The following HMBOX1 variants were observed in gnomAD, a reference collection of about 807,000 sequenced individuals.
HMBOX1 encodes homeobox-containing protein 1.
Under a neutral mutation model 54.5 loss-of-function variants are expected in HMBOX1, and 14 were observed. That is an observed-to-expected ratio of 0.26 (90% CI 0.17 to 0.40). The LOEUF is 0.40. HMBOX1 is among the 10% of genes least tolerant of loss of function. The pLI is 1.00. For missense variants in HMBOX1, 332 were observed against 514.4 expected (o/e 0.65, Z 3.43); for synonymous variants, 160 against 181.0 (o/e 0.88, Z 0.93).
At chr8:28,974,029 G>T (rs903402596) in intron 3 of HMBOX1, among the ~76,000 whole-genome samples, 20 of 151,926 alleles carry the variant, frequency 1.3e-4, no homozygotes, top group African/African-American at 4.8e-4. Flanking sequence ...GACCAGGCTG[G>T]TCTCAAACTC....
chr8:28,938,962 A>T (rs1820866961), intron 1 of HMBOX1, among the ~76,000 whole-genome samples: 1 of 152,074 alleles, frequency 6.6e-6, no homozygotes, highest in African/African-American at 2.4e-5. Context: ...TTTCAGACCA[A>T]CCTGGGCAAG....
At position 29,021,699 on chromosome 8, in the gene HMBOX1, G is replaced by GA. The variant is rs80206972; in HGVS notation, c.851+2797dup. 2.1e-3 allele frequency among the ~76,000 whole-genome samples: 305 copies of GA among 145,548 alleles called. 1 individual carries two copies. Among genetic ancestry groups the GA allele is most frequent in the African/African-American group, 7.0e-3 (281 of 39,914 alleles). ...TGAAACCCTGTCTCTACGAAAAATA[G>GA]AAAAAAAAAAATTAGCCGGGCGTGG... On this transcript the variant is annotated intron_variant, in intron 6 of 9. Coordinates refer to ENST00000287701, the MANE Select transcript of HMBOX1 (RefSeq NM_001135726.3).
At chr8:28,960,780 T>TG (rs1825412212) in intron 1 of HMBOX1, among the ~76,000 whole-genome samples, 1 of 43,384 alleles carries the variant, frequency 2.3e-5, no homozygotes, top group Non-Finnish European at 5.0e-5. Flanking sequence ...TTTTTTTTTT[T>TG]TTTTTTTTTT....
chr8:28,911,896 T>G (rs1346589470), intron 1 of HMBOX1, among the ~76,000 whole-genome samples: 2 of 152,172 alleles, frequency 1.3e-5, no homozygotes, highest in Non-Finnish European at 2.9e-5. Context: ...TACCATGGCT[T>G]GACTTAATGA....
chr8:28,903,462 C>T, intron 1 of HMBOX1, among the ~76,000 whole-genome samples: 1 of 152,334 alleles, frequency 6.6e-6, no homozygotes, highest in Middle Eastern at 3.4e-3. Flanking sequence ...ACTATTCCAA[C>T]CATCTGAGAA....
At chr8:29,044,319 G>C (rs140026713) in intron 6 of HMBOX1, among the ~76,000 whole-genome samples, 1 of 152,294 alleles carries the variant, frequency 6.6e-6, no homozygotes, top group African/African-American at 2.4e-5. Context: ...CCCATTTCCT[G>C]ATTGGAAGTT....
chr8:28,964,483 A>G (rs576620441), intron 2 of HMBOX1, among the ~76,000 whole-genome samples: 1 of 152,352 alleles, frequency 6.6e-6, no homozygotes, highest in East Asian at 1.9e-4. Flanking sequence ...CATATTAAAT[A>G]GGCCTTTGAA....
chr8:29,041,772 G>A (rs573556127), intron 6 of HMBOX1, among the ~76,000 whole-genome samples: 3 of 152,170 alleles, frequency 2.0e-5, no homozygotes, highest in African/African-American at 7.2e-5. Context: ...TTCCTGGGTG[G>A]TAGCATGCAT....
At chr8:28,937,753 GATC>G (rs1820654971) in intron 1 of HMBOX1, among the ~76,000 whole-genome samples, 1 of 152,170 alleles carries the variant, frequency 6.6e-6, no homozygotes, top group Non-Finnish European at 1.5e-5. Flanking sequence ...AAATGTGATC[GATC>G]ATCAGAGTTT....
chr8:29,024,233 A>G (rs1475270662), intron 6 of HMBOX1, among the ~76,000 whole-genome samples: 2 of 152,240 alleles, frequency 1.3e-5, no homozygotes, highest in Admixed American at 1.3e-4. Flanking sequence ...AGAAAAGAGG[A>G]AAACTACACC....
At chr8:28,924,459 T>C (rs1402455343) in intron 1 of HMBOX1, among the ~76,000 whole-genome samples, 1 of 151,164 alleles carries the variant, frequency 6.6e-6, no homozygotes, top group Admixed American at 6.6e-5. Context: ...AATTTTTTTT[T>C]TTTTTTTTTT....
At chr8:28,992,869 C>CAAAAA (rs34488854) in intron 4 of HMBOX1, among the ~76,000 whole-genome samples, 8 of 57,224 alleles carry the variant, frequency 1.4e-4, no homozygotes, top group South Asian at 1.1e-3. Context: ...GACTCTGTCT[C>CAAAAA]AAAAAAAAAA....
intron 6 of HMBOX1, among the ~76,000 whole-genome samples, chr8:29,032,554 A>G (rs1223099698): frequency 6.6e-6 from 1 of 152,026 alleles, no homozygotes; most frequent in Non-Finnish European, 1.5e-5. Flanking sequence ...ACTGACTTCT[A>G]TTATAAAGGT....
chr8:28,996,285 T>C (rs1427019571), intron 4 of HMBOX1, among the ~76,000 whole-genome samples: 1 of 152,166 alleles, frequency 6.6e-6, no homozygotes, highest in African/African-American at 2.4e-5. Context: ...GAATTCTTTA[T>C]ATAAGTTCAC....
intron 6 of HMBOX1, among the ~76,000 whole-genome samples, chr8:29,039,931 A>T (rs1047356863): frequency 1.3e-5 from 2 of 152,150 alleles, no homozygotes; most frequent in Non-Finnish European, 2.9e-5. Flanking sequence ...CCCTTATGTA[A>T]GCCCTATAGT....
intron 1 of HMBOX1, among the ~76,000 whole-genome samples, chr8:28,923,891 A>T (rs1817955325): frequency 6.6e-6 from 1 of 151,830 alleles, no homozygotes; most frequent in South Asian, 2.1e-4. Flanking sequence ...TCATGTGCTT[A>T]TTGGTCATTT....
At chr8:28,986,730 CAG>C (rs571608653) in intron 4 of HMBOX1, among the ~76,000 whole-genome samples, 8 of 152,158 alleles carry the variant, frequency 5.3e-5, no homozygotes, top group Admixed American at 1.3e-4. Flanking sequence ...TTTGCAGCCT[CAG>C]GGGAATAGGA....
intron 1 of HMBOX1, among the ~76,000 whole-genome samples, chr8:28,945,126 T>C (rs1223105253): frequency 6.6e-6 from 1 of 152,234 alleles, no homozygotes; most frequent in African/African-American, 2.4e-5. Context: ...TCCCTAAAGA[T>C]ATGATAGCTT....
At chr8:28,950,492 A>G (rs1464738188) in intron 1 of HMBOX1, among the ~76,000 whole-genome samples, 2 of 152,222 alleles carry the variant, frequency 1.3e-5, no homozygotes, top group African/African-American at 2.4e-5. Flanking sequence ...TGAGATTTCC[A>G]TAGAAGGGAA....
Sources: gnomAD v4.1 joint callset for allele counts (sites outside exome capture counted in the v4.1 genomes callset) on GRCh38, gnomAD v4.1.1 for gene constraint, MANE v1.5 for transcripts, NCBI Gene and HGNC (gene_info 2026-07-23, HGNC 2026-07-21) for gene names.